RPS6KA6: variants seen among roughly 807,000 people sequenced by gnomAD.
The protein encoded by RPS6KA6 is ribosomal protein S6 kinase alpha-6.
RPS6KA6 carries 27 observed loss-of-function variants against 65.4 expected under a neutral mutation model. The ratio of observed to expected loss-of-function variants is 0.41; its 90% confidence interval spans 0.30 to 0.57. The LOEUF (loss-of-function observed/expected upper bound fraction) is 0.57. Among genes scored for constraint, RPS6KA6 ranks in the 20% least tolerant of loss-of-function variants. The pLI, the probability that RPS6KA6 is intolerant of heterozygous loss-of-function variation, is 0.24. For missense variants in RPS6KA6, 486 were observed against 555.6 expected (o/e 0.87, Z 1.26); for synonymous variants, 190 against 184.2 (o/e 1.03, Z -0.26).
rs754107497 is a variant in RPS6KA6, at chrX:84,062,916, C to CAGTAGT, written c.*1355_*1360dup. The CAGTAGT allele has an allele frequency of 1.5e-3, 155 of 104,586 alleles. No individual in the cohort carries two copies. The highest frequency in any genetic ancestry group is 4.6e-3 in the South Asian group (11 of 2,376). 8.6% of individuals were successfully genotyped at this position (104,586 alleles called of 1,213,427 possible). Reference sequence around the variant, plus strand: ...GTTTACATTCATGAATTCTTTCTGTCAGTAGTAGTAGTAGTAGTAGTAGTA... The same window carrying CAGTAGT: ...GTTTACATTCATGAATTCTTTCTGTCAGTAGTAGTAGTAGTAGTAGTAGTAGTAGTA... On this transcript the variant is annotated 3_prime_UTR_variant, in exon 22 of 22. Transcript: ENST00000262752.
chrX:84,104,731 T>G (rs878948015), intron 16 of RPS6KA6, 74 bp from the exon 17 acceptor site: 3 of 667,607 alleles, frequency 4.5e-6, no homozygotes, highest in East Asian at 7.9e-5. Flanking sequence ...AGATTTTAAT[T>G]ATATTTACCT....
chrX:84,085,300 T>A (rs758631805), intron 20 of RPS6KA6, among the ~76,000 whole-genome samples: 2 of 111,843 alleles, frequency 1.8e-5, no homozygotes, highest in Non-Finnish European at 3.8e-5. Flanking sequence ...TCTTCCAGCT[T>A]TTGCCCATTC....
intron 1 of RPS6KA6, among the ~76,000 whole-genome samples, chrX:84,184,488 A>G (rs2035901331): frequency 8.9e-6 from 1 of 111,971 alleles, no homozygotes; most frequent in Admixed American, 9.5e-5. Flanking sequence ...TCTCCAACTT[A>G]TAGACAAAGA....
chrX:84,108,588 G>C (rs1386411225), intron 12 of RPS6KA6, among the ~76,000 whole-genome samples: 1 of 110,463 alleles, frequency 9.1e-6, no homozygotes, highest in Non-Finnish European at 1.9e-5. Flanking sequence ...GATTGAGTGA[G>C]AGACCCCCAG....
At chrX:84,142,816 T>C (rs1455724957) in intron 6 of RPS6KA6, among the ~76,000 whole-genome samples, 3 of 111,408 alleles carry the variant, frequency 2.7e-5, no homozygotes, top group African/African-American at 9.7e-5. Flanking sequence ...CCCAAGTCTA[T>C]TACATAAATT....
At chrX:84,112,111 C>G (rs909176194) in intron 12 of RPS6KA6, among the ~76,000 whole-genome samples, 2 of 111,807 alleles carry the variant, frequency 1.8e-5, no homozygotes, top group African/African-American at 3.3e-5. Context: ...ATGATAAGGG[C>G]TCAATTAAAC....
In RPS6KA6 at chrX:84,061,609, G is replaced by A. The variant is rs758197966; in HGVS notation, c.*2668C>T. 1 of 111,015 alleles carries A rather than the reference G, an allele frequency of 9.0e-6. No individual in the cohort carries two copies. Among genetic ancestry groups the A allele is most frequent in the Non-Finnish European group, 1.9e-5 (1 of 52,873 alleles). 9.1% of individuals were successfully genotyped at this position (111,015 alleles called of 1,213,427 possible). ...TTTATTCATGGTAGTATGTGCTTAA[G>A]GACAACAGGTTGTTAGTCTATTTGA... is the stretch of plus-strand genomic sequence containing the variant. On this transcript the variant is annotated 3_prime_UTR_variant, in exon 22 of 22. Coordinates refer to ENST00000262752, the MANE Select transcript of RPS6KA6 (RefSeq NM_014496.5).
chrX:84,160,852 G>A (rs1325714793), intron 2 of RPS6KA6, among the ~76,000 whole-genome samples: 1 of 111,301 alleles, frequency 9.0e-6, no homozygotes, highest in Non-Finnish European at 1.9e-5. Context: ...AAAATGCCAT[G>A]AGGGTGAACT....
At chrX:84,163,960 G>A (rs1446859009) in intron 2 of RPS6KA6, among the ~76,000 whole-genome samples, 1 of 111,799 alleles carries the variant, frequency 8.9e-6, no homozygotes, top group Non-Finnish European at 1.9e-5. Context: ...ATATTTCCAA[G>A]TCAGATATCC....
At chrX:84,078,606 AGAATT>A (rs1290235287) in intron 20 of RPS6KA6, among the ~76,000 whole-genome samples, 2 of 112,558 alleles carry the variant, frequency 1.8e-5, no homozygotes, top group African/African-American at 6.5e-5. Context: ...GCAATAAAAT[AGAATT>A]AACTATTGCT....
At chrX:84,122,361 GTTTTTTTTTTTTT>G (rs35459607) in intron 8 of RPS6KA6, among the ~76,000 whole-genome samples, 1 of 43,009 alleles carries the variant, frequency 2.3e-5, no homozygotes, top group East Asian at 8.7e-4. Context: ...TTTTTTTTAA[GTTTTTTTTTTTTT>G]TTTTTTTTTT....
intron 12 of RPS6KA6, among the ~76,000 whole-genome samples, chrX:84,110,115 A>T (rs1322732939): frequency 2.7e-5 from 3 of 111,984 alleles, no homozygotes; most frequent in Non-Finnish European, 3.8e-5. Context: ...ACTCCCATAG[A>T]CAAGTGTCTT....
At chrX:84,084,220 C>A (rs1314940914) in intron 20 of RPS6KA6, among the ~76,000 whole-genome samples, 1 of 112,111 alleles carries the variant, frequency 8.9e-6, no homozygotes, top group African/African-American at 3.2e-5. Flanking sequence ...TAATTAGATC[C>A]CATTTGTCAA....
intron 8 of RPS6KA6, among the ~76,000 whole-genome samples, chrX:84,120,680 T>G (rs1338798525): frequency 9.0e-6 from 1 of 111,355 alleles, no homozygotes; most frequent in African/African-American, 3.3e-5. Context: ...AAATGGGAAG[T>G]TATACCATGT....
At chrX:84,111,701 A>C (rs2034473647) in intron 12 of RPS6KA6, among the ~76,000 whole-genome samples, 1 of 112,133 alleles carries the variant, frequency 8.9e-6, no homozygotes. Context: ...CTAAAGATGG[A>C]AACAAAAGTA....
chrX:84,123,632 G>T (rs2034720475), intron 8 of RPS6KA6, among the ~76,000 whole-genome samples: 1 of 112,294 alleles, frequency 8.9e-6, no homozygotes, highest in Admixed American at 9.4e-5. Context: ...GTGCAACAAA[G>T]ATTCTGGATT....
At chrX:84,075,357 G>A (rs1279834753) in intron 20 of RPS6KA6, among the ~76,000 whole-genome samples, 3 of 111,816 alleles carry the variant, frequency 2.7e-5, no homozygotes, top group Non-Finnish European at 3.8e-5. Flanking sequence ...AAAGAAACAC[G>A]AGAGTATAGA....
chrX:84,129,412 C>T (rs1009505721), intron 8 of RPS6KA6, among the ~76,000 whole-genome samples: 3 of 111,191 alleles, frequency 2.7e-5, no homozygotes, highest in African/African-American at 9.8e-5. Context: ...TAAATCAGCA[C>T]AACCACTATG....
chrX:84,140,690 C>T (rs894546174), intron 6 of RPS6KA6, among the ~76,000 whole-genome samples: 3 of 94,264 alleles, frequency 3.2e-5, no homozygotes, highest in South Asian at 5.9e-4. Context: ...GCTGAGATCA[C>T]GCTACTGCAC....
Sources: gnomAD v4.1 joint callset for allele counts (sites outside exome capture counted in the v4.1 genomes callset) on GRCh38, gnomAD v4.1.1 for gene constraint, MANE v1.5 for transcripts, NCBI Gene and HGNC (gene_info 2026-07-23, HGNC 2026-07-21) for gene names.